IQSEC1: variants seen among roughly 807,000 people sequenced by gnomAD.
IQSEC1 encodes IQ motif and Sec7 domain ArfGEF 1.
IQSEC1 carries 31 observed loss-of-function variants against 91.0 expected under a neutral mutation model. The ratio of observed to expected loss-of-function variants is 0.34; its 90% CI spans 0.26 to 0.46. IQSEC1 has a LOEUF of 0.46. Ranked by LOEUF, IQSEC1 falls within the 20% of genes least tolerant of loss-of-function variation. The pLI is 1.00. For synonymous variants in IQSEC1, 699 were observed against 662.6 expected (o/e 1.05, Z -0.84); for missense variants, 1,388 against 1,575.6 (o/e 0.88, Z 2.02).
At chr3:12,923,161 G>A (rs1172948504) in intron 4 of IQSEC1, among the ~76,000 whole-genome samples, 1 of 152,220 alleles carries the variant, frequency 6.6e-6, no homozygotes, top group Non-Finnish European at 1.5e-5. Context: ...CAGGAGCAGC[G>A]GCCCTGCAGA....
intron 1 of IQSEC1, among the ~76,000 whole-genome samples, chr3:12,977,692 C>T (rs1268634021): frequency 2.0e-5 from 3 of 152,320 alleles, no homozygotes; most frequent in South Asian, 2.1e-4. Flanking sequence ...TGAATAGATA[C>T]GTTCATTTAT....
chr3:13,119,184 T>TTATTCCCAA (rs1706384831), intron 2 of IQSEC1, among the ~76,000 whole-genome samples: 1 of 152,142 alleles, frequency 6.6e-6, no homozygotes, highest in African/African-American at 2.4e-5. Flanking sequence ...CCCAAAGTGC[T>TTATTCCCAA]GGAATAATAT....
intron 2 of IQSEC1, among the ~76,000 whole-genome samples, chr3:13,120,332 A>G (rs779959055): frequency 1.3e-5 from 2 of 152,152 alleles, no homozygotes; most frequent in East Asian, 3.9e-4. Flanking sequence ...AGGAGGGGGC[A>G]CACTCGGTCC....
At chr3:13,195,566 G>A (rs935644723) in intron 1 of IQSEC1, among the ~76,000 whole-genome samples, 4 of 152,162 alleles carry the variant, frequency 2.6e-5, no homozygotes, top group South Asian at 4.1e-4. Context: ...GGATACACAC[G>A]ACAGCTTGGA....
chr3:13,099,806 C>G (rs1385458720), intron 2 of IQSEC1, among the ~76,000 whole-genome samples: 2 of 152,198 alleles, frequency 1.3e-5, no homozygotes, highest in Non-Finnish European at 2.9e-5. Context: ...CTCTGTGAAA[C>G]CACAGCCATC....
At position 13,095,814 on chromosome 3, in the gene IQSEC1, C is replaced by T. The variant is rs1559253968; in HGVS notation, c.303-48292G>A. On this transcript the variant is annotated intron_variant, in intron 2 of 15. Transcript: ENST00000648114. ...GGGCGGGGCAGCTTTTATTCCACAG[C>T]CCCACGCAAAAGCGCTGAGCCAGCT... is the stretch of plus-strand genomic sequence containing the variant. Among the ~76,000 whole-genome samples, 6 of 152,286 alleles carry T rather than the reference C, an allele frequency of 3.9e-5. No homozygotes were observed. In the South Asian group the frequency reaches 1.2e-3, roughly 32 times the overall value.
At chr3:13,125,267 G>A (rs539783675) in intron 2 of IQSEC1, among the ~76,000 whole-genome samples, 2 of 152,294 alleles carry the variant, frequency 1.3e-5, no homozygotes, top group Admixed American at 6.5e-5. Context: ...TTTTGTGGCT[G>A]TCTACGTACC....
intron 1 of IQSEC1, among the ~76,000 whole-genome samples, chr3:12,995,567 G>A (rs1456520844): frequency 6.6e-6 from 1 of 152,238 alleles, no homozygotes; most frequent in Non-Finnish European, 1.5e-5. Flanking sequence ...TAAGGGGTGA[G>A]CTGGGATTTG....
At chr3:12,984,319 T>C (rs1701617847) in intron 1 of IQSEC1, among the ~76,000 whole-genome samples, 1 of 152,166 alleles carries the variant, frequency 6.6e-6, no homozygotes. Flanking sequence ...CAAGTCTAGT[T>C]TCACCATCCA....
At chr3:13,263,655 C>A (rs919828648) in intron 1 of IQSEC1, among the ~76,000 whole-genome samples, 17 of 152,192 alleles carry the variant, frequency 1.1e-4, no homozygotes, top group South Asian at 4.1e-4. Flanking sequence ...GTTGGCCAGG[C>A]TGGTCTTGAA....
Position 12,929,670 on chromosome 3 carries a change from A to G in IQSEC1, c.1569-4928T>C, listed in dbSNP as rs528329961. Among the ~76,000 whole-genome samples the G allele has an allele frequency of 9.5e-4, 145 of 152,258 alleles. No homozygotes were observed. In the South Asian group the frequency reaches 0.024, roughly 25 times the overall value. On this transcript the variant is annotated intron_variant, in intron 3 of 13. Transcript: ENST00000613206. The stretch of plus-strand genomic sequence containing the variant: ...AACTCTGCAGTCACCCCATTCCCAC[A>G]GTCCCTTTGTGTATACCCGTTACTC...
intron 1 of IQSEC1, among the ~76,000 whole-genome samples, chr3:13,246,782 A>G (rs1396431130): frequency 6.6e-6 from 1 of 152,116 alleles, no homozygotes; most frequent in African/African-American, 2.4e-5. Flanking sequence ...CTCGCAGAAT[A>G]CTGCAGACAC....
chr3:12,931,272 G>C (rs1173946939), intron 3 of IQSEC1, among the ~76,000 whole-genome samples: 1 of 152,136 alleles, frequency 6.6e-6, no homozygotes, highest in Non-Finnish European at 1.5e-5. Context: ...CTAGGGGAGA[G>C]GGGTCCCAAC....
At chr3:12,939,934 C>T (rs1178543146) in intron 2 of IQSEC1, among the ~76,000 whole-genome samples, 1 of 152,166 alleles carries the variant, frequency 6.6e-6, no homozygotes, top group Non-Finnish European at 1.5e-5. Flanking sequence ...GCAGGGGCCT[C>T]GCCTTGGTCA....
intron 1 of IQSEC1, among the ~76,000 whole-genome samples, chr3:13,208,732 C>T (rs1424388106): frequency 4.6e-5 from 7 of 152,190 alleles, no homozygotes; most frequent in East Asian, 1.9e-4. Flanking sequence ...TCTGCTGATT[C>T]GAGAGGAGCC....
Position 13,165,899 on chromosome 3 carries a change from G to A in IQSEC1, c.273-1766C>T, listed in dbSNP as rs534040406. On this transcript the variant is annotated intron_variant, in intron 1 of 15. Transcript: ENST00000648114. ...TGACCAAGAAACACAGGGTGCAACC[G>A]GGCCCCGCTTACGGACATGCCTGAG... Among the ~76,000 whole-genome samples the A allele has an allele frequency of 1.2e-4, 18 of 152,248 alleles. No homozygotes were observed. In the South Asian group the frequency reaches 2.7e-3, roughly 23 times the overall value.
At chr3:13,099,843 AC>A (rs1706027601) in intron 2 of IQSEC1, among the ~76,000 whole-genome samples, 1 of 149,518 alleles carries the variant, frequency 6.7e-6, no homozygotes, top group African/African-American at 2.5e-5. Context: ...GCACCTCAGC[AC>A]CCCTGGCAGA....
intron 2 of IQSEC1, among the ~76,000 whole-genome samples, chr3:13,084,775 A>G (rs2125132285): frequency 6.6e-6 from 1 of 152,298 alleles, no homozygotes; most frequent in South Asian, 2.1e-4. Context: ...GGCCGTAGTA[A>G]CCAAGATCTA....
chr3:12,914,874 A>G (rs1393856682), intron 8 of IQSEC1, among the ~76,000 whole-genome samples: 1 of 152,020 alleles, frequency 6.6e-6, no homozygotes, highest in African/African-American at 2.4e-5. Flanking sequence ...GCTGGGCTCA[A>G]CAGGGCGTCA....
Sources: gnomAD v4.1 joint callset for allele counts (sites outside exome capture counted in the v4.1 genomes callset) on GRCh38, gnomAD v4.1.1 for gene constraint, MANE v1.5 for transcripts, NCBI Gene and HGNC (gene_info 2026-07-23, HGNC 2026-07-21) for gene names.